Variants in ROBO2 observed in about 807,000 individuals in gnomAD.
The protein encoded by ROBO2 is roundabout homolog 2.
ROBO2 carries 53 observed loss-of-function variants against 160.8 expected under a neutral mutation model. That is an observed-to-expected ratio of 0.33 (90% CI 0.26 to 0.41). The LOEUF is 0.41. ROBO2 is among the 10% of genes least tolerant of loss of function. The pLI is 1.00. For missense variants in ROBO2, 1,577 were observed against 1,722.4 expected (o/e 0.92, Z 1.49); for synonymous variants, 664 against 611.7 (o/e 1.09, Z -1.26).
At chr3:76,356,633 A>C (rs2075185444) in intron 2 of ROBO2, among the ~76,000 whole-genome samples, 1 of 151,750 alleles carries the variant, frequency 6.6e-6, no homozygotes, top group Admixed American at 6.6e-5. Context: ...CAGAACTTCA[A>C]CTTCACAAAG....
chr3:77,540,253 G>A (rs1399890405), intron 6 of ROBO2, among the ~76,000 whole-genome samples: 2 of 152,112 alleles, frequency 1.3e-5, no homozygotes, highest in Non-Finnish European at 2.9e-5. Context: ...CAGAAGAAAC[G>A]TAATGTTATT....
In ROBO2 at chr3:76,902,420, CTA is replaced by C. The variant is rs1208521381; in HGVS notation, c.110-195590_110-195589del. Among the ~76,000 whole-genome samples the C allele has an allele frequency of 2.0e-5, 3 of 151,904 alleles. No homozygotes were observed. The East Asian group carries it at 5.8e-4, about 29-fold the overall frequency. On this transcript the variant is annotated intron_variant, in intron 2 of 26. Transcript: ENST00000487694. Reference sequence around the variant, plus strand: ...TTTCTACTTCTTATTAACTTTCAAGCTATATTAGGCATTTAATGCAAATTTTA... The same window carrying C: ...TTTCTACTTCTTATTAACTTTCAAGCTATTAGGCATTTAATGCAAATTTTA...
intron 2 of ROBO2, among the ~76,000 whole-genome samples, chr3:77,134,069 G>A (rs1235239920): frequency 2.0e-5 from 3 of 151,936 alleles, no homozygotes; most frequent in Admixed American, 6.6e-5. Context: ...CCAACTACTC[G>A]AGAGGCTGAG....
At chr3:76,863,832 C>G (rs1472418601) in intron 2 of ROBO2, among the ~76,000 whole-genome samples, 3 of 152,010 alleles carry the variant, frequency 2.0e-5, no homozygotes, top group African/African-American at 7.2e-5. Context: ...CAATGATAAA[C>G]TTTATCTCAA....
rs78857558 is a variant in ROBO2, at chr3:76,724,921, A to G, written c.110-373093A>G. ...GAAGTCAGTGTGACCACAGAGGCAG[A>G]GGGTGGAGTAATTTGGCTGCAATTC... On this transcript the variant is annotated intron_variant, in intron 2 of 26. Transcript: ENST00000487694. Among the ~76,000 whole-genome samples, 40 of 152,266 alleles carry G rather than the reference A, an allele frequency of 2.6e-4. 1 individual carries two copies. The East Asian group carries it at 7.7e-3, about 29-fold the overall frequency.
At chr3:76,584,200 G>A (rs1461920241) in intron 2 of ROBO2, among the ~76,000 whole-genome samples, 9 of 152,116 alleles carry the variant, frequency 5.9e-5, no homozygotes, top group Non-Finnish European at 7.4e-5. Flanking sequence ...CACTTTGTCA[G>A]CAGGAAATGG....
chr3:77,564,314 A>G (rs138267905), intron 11 of ROBO2: 7 of 338,970 alleles, frequency 2.1e-5, no homozygotes, highest in African/African-American at 1.5e-4. Flanking sequence ...CTGGCTGTAA[A>G]TGGGTCCTCA....
At chr3:76,124,432 A>G (rs1336624475) in intron 2 of ROBO2, among the ~76,000 whole-genome samples, 4 of 152,126 alleles carry the variant, frequency 2.6e-5, no homozygotes, top group Non-Finnish European at 5.9e-5. Context: ...ATTGCTTGAC[A>G]TAAATACATC....
intron 2 of ROBO2, among the ~76,000 whole-genome samples, chr3:76,857,333 T>C (rs1577071912): frequency 6.6e-6 from 1 of 152,196 alleles, no homozygotes; most frequent in Non-Finnish European, 1.5e-5. Flanking sequence ...CTTTTTGTAA[T>C]TGAAATGCTA....
intron 2 of ROBO2, among the ~76,000 whole-genome samples, chr3:77,019,204 G>A (rs1455979080): frequency 6.6e-6 from 1 of 152,034 alleles, no homozygotes; most frequent in Non-Finnish European, 1.5e-5. Flanking sequence ...CAGCTCTGGG[G>A]GCAGGAAAGT....
chr3:76,593,069 C>T (rs1449664209), intron 2 of ROBO2, among the ~76,000 whole-genome samples: 2 of 152,030 alleles, frequency 1.3e-5, no homozygotes, highest in African/African-American at 4.8e-5. Flanking sequence ...ACTAACAAAG[C>T]AGCTGACCAT....
intron 2 of ROBO2, among the ~76,000 whole-genome samples, chr3:76,606,688 T>C (rs1237970584): frequency 6.6e-6 from 1 of 152,114 alleles, no homozygotes; most frequent in Non-Finnish European, 1.5e-5. Flanking sequence ...TTTGTCTTTC[T>C]TTACTTGTTT....
At chr3:77,328,074 A>T in intron 2 of ROBO2, among the ~76,000 whole-genome samples, 1 of 150,822 alleles carries the variant, frequency 6.6e-6, no homozygotes, top group Admixed American at 6.6e-5. Context: ...AAAAAAAAAA[A>T]AAAAAAGAAA....
Position 76,141,908 on chromosome 3 carries a change from A to G in ROBO2, c.109+204306A>G, listed in dbSNP as rs147556811. Among the ~76,000 whole-genome samples the G allele has an allele frequency of 4.7e-3, 718 of 152,126 alleles. 13 individuals carry two copies. Among genetic ancestry groups the G allele is most frequent in the Admixed American group, 0.044 (668 of 15,212 alleles). On this transcript the variant is annotated intron_variant, in intron 2 of 26. Coordinates refer to the ROBO2 transcript ENST00000487694. The stretch of plus-strand genomic sequence containing the variant: ...GCCAACTTTTTTATCCCCAGACTCT[A>G]AAACTGTAACTATTCCATAGTAGGC...
intron 2 of ROBO2, among the ~76,000 whole-genome samples, chr3:77,393,314 G>T (rs2074938118): frequency 1.3e-5 from 2 of 151,934 alleles, no homozygotes; most frequent in African/African-American, 4.8e-5. Flanking sequence ...TATTTGGTCT[G>T]ATTTACCTAT....
chr3:77,411,224 T>G (rs2076774155), intron 2 of ROBO2, among the ~76,000 whole-genome samples: 1 of 152,182 alleles, frequency 6.6e-6, no homozygotes, highest in African/African-American at 2.4e-5. Flanking sequence ...GTCCTGCTCT[T>G]GAGTCCACAA....
intron 2 of ROBO2, among the ~76,000 whole-genome samples, chr3:77,366,817 G>A (rs373811501): frequency 6.7e-6 from 1 of 149,800 alleles, no homozygotes; most frequent in East Asian, 2.0e-4. Flanking sequence ...TACAGAGAGA[G>A]AAAGAGAGGA....
At chr3:76,287,336 C>T (rs1198852092) in intron 2 of ROBO2, among the ~76,000 whole-genome samples, 8 of 150,924 alleles carry the variant, frequency 5.3e-5, no homozygotes, top group Admixed American at 5.3e-4. Context: ...CGCTCTGTCA[C>T]CAAGGCTGAA....
chr3:77,558,645 T>A (rs1229929662), intron 9 of ROBO2, among the ~76,000 whole-genome samples: 1 of 151,982 alleles, frequency 6.6e-6, no homozygotes, highest in Non-Finnish European at 1.5e-5. Flanking sequence ...TGTTGTGTAG[T>A]TTAGATTTAA....
Sources: gnomAD v4.1 joint callset for allele counts (sites outside exome capture counted in the v4.1 genomes callset) on GRCh38, gnomAD v4.1.1 for gene constraint, MANE v1.5 for transcripts, NCBI Gene and HGNC (gene_info 2026-07-23, HGNC 2026-07-21) for gene names.